The following STIM1 variants were observed in gnomAD, a reference collection of about 807,000 sequenced individuals.
STIM1 encodes the protein stromal interaction molecule 1.
In STIM1, 25 loss-of-function variants were observed where a neutral mutation model predicts 74.7. That is an observed-to-expected ratio of 0.33 (90% confidence interval 0.24 to 0.47). The LOEUF is 0.47. Among genes scored for constraint, STIM1 ranks in the 20% least tolerant of loss-of-function variants. STIM1 has a pLI of 1.00. For synonymous variants in STIM1, 328 were observed against 348.8 expected (o/e 0.94, Z 0.66); for missense variants, 728 against 920.8 (o/e 0.79, Z 2.71).
chr11:4,050,440 A>C (rs552278963), intron 3 of STIM1, among the ~76,000 whole-genome samples: 1 of 152,344 alleles, frequency 6.6e-6, no homozygotes, highest in Non-Finnish European at 1.5e-5. Flanking sequence ...CTGGGGATGC[A>C]CCAATTGGGA....
At chr11:3,962,474 T>C (rs2093297646) in intron 1 of STIM1, among the ~76,000 whole-genome samples, 3 of 151,808 alleles carry the variant, frequency 2.0e-5, no homozygotes, top group Non-Finnish European at 4.4e-5. Context: ...TGTGTGTGTG[T>C]GTATAAAAAT....
intron 1 of STIM1, among the ~76,000 whole-genome samples, chr11:3,903,799 A>G (rs2092405550): frequency 6.6e-6 from 1 of 152,198 alleles, no homozygotes; most frequent in Admixed American, 6.5e-5. Flanking sequence ...CAGAGATGTG[A>G]AAGACATAGT....
rs540611814 is a variant in STIM1, at chr11:4,022,106, T to G, written c.271-1767T>G. Among the ~76,000 whole-genome samples the G allele has an allele frequency of 6.6e-5, 10 of 151,988 alleles. No individual in the cohort carries two copies. The South Asian group carries it at 2.1e-3, about 32-fold the overall frequency. ...CAGCACTTTGGGAAGCAGAGGTGGG[T>G]GGATCCCTTGAGATCAGGAGTTTGA... On this transcript the variant is annotated intron_variant, in intron 2 of 12. Coordinates refer to ENST00000526596, the MANE Select transcript of STIM1 (RefSeq NM_001382567.1).
At chr11:3,887,005 GA>G (rs996669981) in intron 1 of STIM1, among the ~76,000 whole-genome samples, 286 of 132,784 alleles carry the variant, frequency 2.2e-3, no homozygotes, top group Admixed American at 4.3e-3. Flanking sequence ...CTGTCTCAAA[GA>G]AAAAAAAAAA....
intron 1 of STIM1, among the ~76,000 whole-genome samples, chr11:3,906,961 A>G (rs1244262281): frequency 1.3e-5 from 2 of 152,220 alleles, no homozygotes; most frequent in Non-Finnish European, 2.9e-5. Flanking sequence ...CCAACTCTAA[A>G]ATTGGTACCT....
intron 3 of STIM1, among the ~76,000 whole-genome samples, chr11:4,035,789 G>C (rs767017836): frequency 2.7e-5 from 4 of 148,160 alleles, no homozygotes; most frequent in Middle Eastern, 3.6e-3. Flanking sequence ...ATGTGCACTT[G>C]TATGTGTTCT....
intron 1 of STIM1, chr11:3,892,387 A>G: frequency 7.1e-7 from 1 of 1,410,650 alleles, no homozygotes; most frequent in South Asian, 1.2e-5. Flanking sequence ...CACAAGTCAA[A>G]CTTATTAAGA....
At chr11:3,869,796 G>A (rs1433769286) in intron 1 of STIM1, among the ~76,000 whole-genome samples, 2 of 152,224 alleles carry the variant, frequency 1.3e-5, no homozygotes, top group Non-Finnish European at 2.9e-5. Context: ...GTAAAGGTGA[G>A]ATTGGAGGCA....
At chr11:3,895,286 C>T (rs1394481051) in intron 1 of STIM1, among the ~76,000 whole-genome samples, 1 of 152,154 alleles carries the variant, frequency 6.6e-6, no homozygotes. Flanking sequence ...GGGACTGGCT[C>T]CTTCTCCTAG....
intron 5 of STIM1, among the ~76,000 whole-genome samples, chr11:4,063,928 C>T (rs541378679): frequency 3.3e-5 from 5 of 152,320 alleles, no homozygotes; most frequent in African/African-American, 1.2e-4. Context: ...GACAGGAGGT[C>T]TGTTCCTTCC....
At chr11:4,012,661 C>G (rs573762992) in intron 2 of STIM1, among the ~76,000 whole-genome samples, 154 of 152,314 alleles carry the variant, frequency 1.0e-3, no homozygotes, top group African/African-American at 3.5e-3. Context: ...ACAATCATGT[C>G]ATCTGCAAAC....
At chr11:3,989,485 G>C (rs2135838807) in intron 2 of STIM1, 1 of 655,258 alleles carries the variant, frequency 1.5e-6, no homozygotes, top group East Asian at 3.0e-5. Flanking sequence ...GAGGGTGCGT[G>C]CGGGATGTCT....
intron 1 of STIM1, among the ~76,000 whole-genome samples, chr11:3,883,440 C>T (rs2091592710): frequency 6.6e-6 from 1 of 152,238 alleles, no homozygotes; most frequent in Non-Finnish European, 1.5e-5. Context: ...ACTGCAACCT[C>T]TGCCTTCCGT....
intron 1 of STIM1, among the ~76,000 whole-genome samples, chr11:3,941,673 T>TATATAGAGAGAGAGAGAGAGAGAGAGAG (rs141623520): frequency 6.6e-5 from 6 of 90,736 alleles, no homozygotes; most frequent in African/African-American, 1.8e-4. Context: ...TATATATATA[T>TATATAGAGAGAGAGAGAGAGAGAGAGAG]AGAGAGAGAG....
chr11:4,063,337 A>ATTATG, intron 5 of STIM1, among the ~76,000 whole-genome samples: 1 of 152,286 alleles, frequency 6.6e-6, no homozygotes, highest in Admixed American at 6.5e-5. Flanking sequence ...GCTTTGCCTT[A>ATTATG]CTGCACTTGG....
At chr11:3,867,688 A>C (rs1269855515) in intron 1 of STIM1, among the ~76,000 whole-genome samples, 1 of 152,184 alleles carries the variant, frequency 6.6e-6, no homozygotes, top group Non-Finnish European at 1.5e-5. Context: ...GCCTCTTGGG[A>C]GATGTGATGG....
At chr11:4,020,662 C>G (rs2093947145) in intron 2 of STIM1, among the ~76,000 whole-genome samples, 1 of 152,024 alleles carries the variant, frequency 6.6e-6, no homozygotes, top group African/African-American at 2.4e-5. Context: ...GATCACAACT[C>G]ACTACAACCT....
Position 4,056,193 on chromosome 11 carries a change from A to T in STIM1, c.497+556A>T, listed in dbSNP as rs548288592. 1.8e-4 allele frequency among the ~76,000 whole-genome samples: 27 copies of T among 152,266 alleles called. No homozygotes were observed. The East Asian group carries it at 3.9e-3, about 22-fold the overall frequency. ...CATATACAGCTTATTTATAATAAAA[A>T]TGGTACAGAGGAGAGGCTGATTGCC... On this transcript the variant is annotated intron_variant, in intron 4 of 12. Transcript: ENST00000526596.
intron 2 of STIM1, among the ~76,000 whole-genome samples, chr11:4,007,831 G>A (rs1446816844): frequency 3.3e-5 from 5 of 152,112 alleles, no homozygotes. Context: ...TCTGTGAGTG[G>A]TGAGAGCTGT....
Sources: gnomAD v4.1 joint callset for allele counts (sites outside exome capture counted in the v4.1 genomes callset) on GRCh38, gnomAD v4.1.1 for gene constraint, MANE v1.5 for transcripts, NCBI Gene and HGNC (gene_info 2026-07-23, HGNC 2026-07-21) for gene names.